The following MYO16 variants were observed in gnomAD, a reference collection of about 807,000 sequenced individuals.
The protein encoded by MYO16 is myosin XVI, also known as unconventional myosin-XVI.
In MYO16, 94 loss-of-function variants were observed where a neutral mutation model predicts 205.3. The ratio of observed to expected loss-of-function variants is 0.46; its 90% CI spans 0.39 to 0.54. The LOEUF (loss-of-function observed/expected upper bound fraction) is 0.54, where lower values mean the gene tolerates loss of function less well. Ranked by LOEUF, MYO16 falls within the 20% of genes least tolerant of loss-of-function variation. The probability of loss-of-function intolerance (pLI) is 0.00; values close to 1 mark genes in which losing one functional copy is unlikely to be tolerated. For synonymous variants in MYO16, 988 were observed against 954.0 expected, an observed-to-expected ratio of 1.04 and a Z score of -0.66; for missense variants, 2,315 against 2,387.5, an observed-to-expected ratio of 0.97 and a Z score of 0.63.
At chr13:108,715,748 G>A (rs1021887631) in intron 3 of MYO16, among the ~76,000 whole-genome samples, 1 of 152,130 alleles carries the variant, frequency 6.6e-6, no homozygotes, top group African/African-American at 2.4e-5. Flanking sequence ...GGCAAACAAT[G>A]GGGCCACAAT....
chr13:108,577,320 C>A, the MYO16 span, among the ~76,000 whole-genome samples: 9 of 152,162 alleles, frequency 5.9e-5, no homozygotes, highest in Admixed American at 5.9e-4. Flanking sequence ...ATAGCCAAAT[C>A]TGGCTATTAG....
At chr13:108,588,509 A>G in the MYO16 span, among the ~76,000 whole-genome samples, 3 of 152,192 alleles carry the variant, frequency 2.0e-5, no homozygotes, top group Non-Finnish European at 4.4e-5. Flanking sequence ...AGAAAAGGAA[A>G]AATACCAAGG....
At chr13:108,919,444 C>T (rs1056547915) in intron 16 of MYO16, among the ~76,000 whole-genome samples, 4 of 152,186 alleles carry the variant, frequency 2.6e-5, no homozygotes, top group Non-Finnish European at 5.9e-5. Context: ...TGACGCAAGG[C>T]GACAGAGATG....
At chr13:108,803,008 G>A (rs964835047) in intron 6 of MYO16, among the ~76,000 whole-genome samples, 1 of 152,186 alleles carries the variant, frequency 6.6e-6, no homozygotes, top group South Asian at 2.1e-4. Context: ...CAGAATCTGA[G>A]AAGCGAAGCA....
chr13:108,853,375 C>T (rs1594345330), intron 10 of MYO16, among the ~76,000 whole-genome samples: 1 of 152,278 alleles, frequency 6.6e-6, no homozygotes, highest in East Asian at 1.9e-4. Context: ...ATAATTCTGA[C>T]AGCATCAAAG....
chr13:108,909,255 G>T (rs1881148747), intron 15 of MYO16, among the ~76,000 whole-genome samples: 1 of 151,034 alleles, frequency 6.6e-6, no homozygotes, highest in South Asian at 2.1e-4. Context: ...TCAACACCTT[G>T]TATTTATGCA....
At chr13:108,988,379 A>G (rs1228506769) in intron 20 of MYO16, among the ~76,000 whole-genome samples, 2 of 152,216 alleles carry the variant, frequency 1.3e-5, no homozygotes, top group Non-Finnish European at 2.9e-5. Context: ...AGTAATTGCA[A>G]AAGTCGTCCT....
intron 21 of MYO16, among the ~76,000 whole-genome samples, chr13:108,997,049 G>A (rs909200263): frequency 1.3e-4 from 20 of 152,204 alleles, no homozygotes; most frequent in South Asian, 1.2e-3. Flanking sequence ...CCAGCACTTT[G>A]GGAAGCCAAG....
chr13:109,025,231 C>T (rs277816), intron 23 of MYO16, among the ~76,000 whole-genome samples: 1,779 of 152,298 alleles, frequency 0.012, 35 homozygotes, highest in African/African-American at 0.042. Flanking sequence ...ATGATATTGG[C>T]ATCCAGCCCC....
the MYO16 span, among the ~76,000 whole-genome samples, chr13:108,501,183 C>G: frequency 4.9e-3 from 739 of 152,284 alleles, 5 homozygotes; most frequent in African/African-American, 0.017. Flanking sequence ...TTCCCTGGCA[C>G]TGTGGTTACT....
chr13:108,846,304 A>G (rs918059105), intron 10 of MYO16, among the ~76,000 whole-genome samples: 1 of 152,054 alleles, frequency 6.6e-6, no homozygotes, highest in Non-Finnish European at 1.5e-5. Context: ...TGAGGAAACA[A>G]ATTTCTGAGT....
At chr13:108,961,744 C>T in intron 18 of MYO16, 88 bp downstream of exon 18, 2 of 1,055,008 alleles carry the variant, frequency 1.9e-6, no homozygotes, top group South Asian at 2.6e-5. Context: ...TACAGAAAAG[C>T]CAGTTGGCTT....
intron 22 of MYO16, among the ~76,000 whole-genome samples, chr13:109,017,925 G>A (rs574245651): frequency 1.2e-4 from 19 of 152,218 alleles, no homozygotes; most frequent in Admixed American, 7.2e-4. Context: ...CTGTTAGCCC[G>A]GAGAAGTTTG....
At chr13:108,626,930 T>C (rs1410758336), upstream of MYO16, among the ~76,000 whole-genome samples, 1 of 146,574 alleles carries the variant, frequency 6.8e-6, no homozygotes, top group East Asian at 2.0e-4. Context: ...TAGCTATATA[T>C]AATATATATA....
At chr13:108,930,564 G>A (rs966651401) in intron 16 of MYO16, among the ~76,000 whole-genome samples, 1 of 152,016 alleles carries the variant, frequency 6.6e-6, no homozygotes, top group Non-Finnish European at 1.5e-5. Context: ...GATGATAAAC[G>A]TCACTTCCCA....
chr13:109,206,777 A>G lies in MYO16; in HGVS notation c.5584A>G (p.Lys1862Glu). ...TTGCAAGAAGCCCAGCCTTCTGAAG[A>G]AGCCGGAAGGGGCCTCCTGCAACAG... ...PPCKKPSLLK[K>E]PEGASCNRLP... Residue 1862 changes from lysine to glutamate, a missense_variant, in exon 35 of 35, where the codon AAG (lysine) becomes GAG (glutamate). By Grantham distance (56) the Lys-to-Glu change is moderately conservative (BLOSUM62 1). Transcript: ENST00000457511. 1.2e-6 allele frequency: 2 copies of G among 1,614,178 alleles called. No individual in the cohort carries two copies. The highest frequency in any genetic ancestry group is 1.7e-6 in the Non-Finnish European group (2 of 1,180,036).
At chr13:108,707,425 G>A (rs983143532) in intron 2 of MYO16, among the ~76,000 whole-genome samples, 3 of 152,118 alleles carry the variant, frequency 2.0e-5, no homozygotes, top group Admixed American at 6.5e-5. Context: ...GTATCTTTAC[G>A]AAGTTTGGGT....
chr13:108,613,594 C>T (rs1266110401), intron 1 of MYO16, among the ~76,000 whole-genome samples: 1 of 152,026 alleles, frequency 6.6e-6, no homozygotes, highest in Non-Finnish European at 1.5e-5. Context: ...ATATAAAAAG[C>T]AAAGTATTCA....
At chr13:108,501,780 T>C in the MYO16 span, among the ~76,000 whole-genome samples, 1 of 152,206 alleles carries the variant, frequency 6.6e-6, no homozygotes, top group Non-Finnish European at 1.5e-5. Context: ...CGACTGAGAC[T>C]CTGCAGCGCA....
Sources: gnomAD v4.1 joint callset for allele counts (sites outside exome capture counted in the v4.1 genomes callset) on GRCh38, gnomAD v4.1.1 for gene constraint, MANE v1.5 for transcripts, NCBI Gene and HGNC (gene_info 2026-07-23, HGNC 2026-07-21) for gene names.